The following CDKAL1 variants were observed in gnomAD, a reference collection of about 807,000 sequenced individuals.
CDKAL1 encodes threonylcarbamoyladenosine tRNA methylthiotransferase.
CDKAL1 carries 32 observed loss-of-function variants against 68.2 expected under a neutral mutation model. That is an observed-to-expected ratio of 0.47 (90% confidence interval 0.35 to 0.63). The LOEUF (loss-of-function observed/expected upper bound fraction) is 0.63. Ranked by LOEUF, CDKAL1 falls within the 30% of genes least tolerant of loss-of-function variation. The pLI, the probability that CDKAL1 is intolerant of heterozygous loss-of-function variation, is 0.00. For missense variants in CDKAL1, 606 were observed against 696.7 expected (o/e 0.87, Z 1.47); for synonymous variants, 234 against 244.3 (o/e 0.96, Z 0.39).
chr6:20,723,099 T>C (rs1404934150), intron 5 of CDKAL1, among the ~76,000 whole-genome samples: 1 of 152,122 alleles, frequency 6.6e-6, no homozygotes, highest in African/African-American at 2.4e-5. Flanking sequence ...CTTTGCCCTT[T>C]CCAGTGGAGG....
chr6:20,808,480 T>A (rs9350287), intron 8 of CDKAL1, among the ~76,000 whole-genome samples: 145,936 of 152,218 alleles, frequency 0.96, 69,969 homozygotes, highest in East Asian at 1. Flanking sequence ...GCAAAGGGGG[T>A]TGATGGAAAC....
intron 6 of CDKAL1, among the ~76,000 whole-genome samples, chr6:20,752,035 C>CA (rs1773944101): frequency 6.6e-6 from 1 of 151,714 alleles, no homozygotes; most frequent in South Asian, 2.1e-4. Flanking sequence ...TCCCACCCTT[C>CA]ATTTTTTTTT....
At chr6:20,664,081 A>G (rs736425) in intron 5 of CDKAL1, among the ~76,000 whole-genome samples, 28,090 of 151,966 alleles carry the variant, frequency 0.18, 2,804 homozygotes, top group African/African-American at 0.23. Flanking sequence ...ATATTATCAG[A>G]GGGATATTAA....
At chr6:21,075,639 G>A (rs1054682334) in intron 12 of CDKAL1, among the ~76,000 whole-genome samples, 6 of 151,958 alleles carry the variant, frequency 3.9e-5, no homozygotes, top group African/African-American at 4.8e-5. Flanking sequence ...AAATGAGAGC[G>A]ACTAGATTTT....
chr6:21,130,622 G>A (rs1775264384), intron 13 of CDKAL1, among the ~76,000 whole-genome samples: 1 of 152,200 alleles, frequency 6.6e-6, no homozygotes, highest in Non-Finnish European at 1.5e-5. Context: ...GATGGCAGGG[G>A]AAGTTATAGT....
chr6:21,033,580 C>T (rs1463481611), intron 11 of CDKAL1, among the ~76,000 whole-genome samples: 1 of 152,000 alleles, frequency 6.6e-6, no homozygotes, highest in Admixed American at 6.6e-5. Flanking sequence ...GGAATAGTTT[C>T]CAAATCAGTA....
chr6:20,617,970 C>A (rs932940375), intron 4 of CDKAL1, among the ~76,000 whole-genome samples: 2 of 152,150 alleles, frequency 1.3e-5, no homozygotes, highest in Non-Finnish European at 2.9e-5. Context: ...ATCTCCAGTT[C>A]TAGATCCTTG....
At chr6:20,725,083 A>C (rs556373874) in intron 5 of CDKAL1, among the ~76,000 whole-genome samples, 1 of 152,292 alleles carries the variant, frequency 6.6e-6, no homozygotes, top group South Asian at 2.1e-4. Flanking sequence ...GTGTCACTTT[A>C]TTAAGGTCTT....
chr6:20,608,584 A>T (rs1375712760), intron 4 of CDKAL1, among the ~76,000 whole-genome samples: 1 of 152,210 alleles, frequency 6.6e-6, no homozygotes, highest in Non-Finnish European at 1.5e-5. Context: ...ACTATGGCTG[A>T]TACCAGTAGA....
chr6:20,944,061 A>G (rs553044098), intron 9 of CDKAL1, among the ~76,000 whole-genome samples: 26 of 152,334 alleles, frequency 1.7e-4, no homozygotes, highest in African/African-American at 4.6e-4. Flanking sequence ...AATCCTATCA[A>G]TTATAACCTT....
intron 13 of CDKAL1, among the ~76,000 whole-genome samples, chr6:21,152,955 CTG>C (rs1300422903): frequency 3.3e-5 from 5 of 152,166 alleles, no homozygotes; most frequent in African/African-American, 1.2e-4. Flanking sequence ...TTTTGAAACA[CTG>C]TTCCATTTTC....
At chr6:20,825,130 C>T (rs1227990250) in intron 8 of CDKAL1, among the ~76,000 whole-genome samples, 1 of 152,056 alleles carries the variant, frequency 6.6e-6, no homozygotes, top group Non-Finnish European at 1.5e-5. Context: ...TTAACTCTTC[C>T]CTTACATTCC....
At chr6:21,042,757 G>A (rs754275284) in intron 11 of CDKAL1, among the ~76,000 whole-genome samples, 10 of 152,030 alleles carry the variant, frequency 6.6e-5, no homozygotes, top group Non-Finnish European at 1.3e-4. Context: ...CGCTTCAAAC[G>A]TTTTCCTCCC....
chr6:20,875,291 G>C (rs1204022945), intron 9 of CDKAL1, among the ~76,000 whole-genome samples: 2 of 118,972 alleles, frequency 1.7e-5, no homozygotes, highest in Admixed American at 1.1e-4. Flanking sequence ...GGGCGACAGA[G>C]CGAGACTCCG....
chr6:20,684,981 T>C (rs961921266), intron 5 of CDKAL1, among the ~76,000 whole-genome samples: 2 of 152,256 alleles, frequency 1.3e-5, no homozygotes, highest in Non-Finnish European at 2.9e-5. Context: ...CAATATCTTT[T>C]GCAGAGCAAA....
chr6:21,154,437 A>G (rs185271850), intron 13 of CDKAL1, among the ~76,000 whole-genome samples: 2 of 152,302 alleles, frequency 1.3e-5, no homozygotes, highest in East Asian at 3.9e-4. Flanking sequence ...ACAATGTTTA[A>G]CTCCATATGT....
intron 10 of CDKAL1, among the ~76,000 whole-genome samples, chr6:20,957,724 C>A (rs143138528): frequency 0.094 from 14,303 of 151,900 alleles, 1,192 homozygotes; most frequent in African/African-American, 0.23. Context: ...TAATCCCAGC[C>A]CTTTGGGAGG....
At chr6:20,548,477 G>T in intron 3 of CDKAL1, 116 bp from the exon 4 acceptor site, 3 of 660,524 alleles carry the variant, frequency 4.5e-6, no homozygotes. Flanking sequence ...AGGTTGCAGT[G>T]AGCTGTGGTC....
intron 11 of CDKAL1, among the ~76,000 whole-genome samples, chr6:21,035,627 C>A (rs1769535850): frequency 6.6e-6 from 1 of 152,012 alleles, no homozygotes; most frequent in Admixed American, 6.6e-5. Flanking sequence ...AAATATAGAT[C>A]TGTTACTAAG....
Sources: gnomAD v4.1 joint callset for allele counts (sites outside exome capture counted in the v4.1 genomes callset) on GRCh38, gnomAD v4.1.1 for gene constraint, MANE v1.5 for transcripts, NCBI Gene and HGNC (gene_info 2026-07-23, HGNC 2026-07-21) for gene names.